The following TDRP variants were observed in gnomAD, a reference collection of about 807,000 sequenced individuals.
TDRP encodes testis development-related protein.
A neutral mutation model predicts 10.5 loss-of-function variants in TDRP; 12 were observed. The observed-to-expected ratio is 1.15, with a 90% confidence interval of 0.73 to 1.86. The LOEUF is 1.86. Ranked by LOEUF, TDRP falls within the 40% of genes most tolerant of loss-of-function variation. The probability of loss-of-function intolerance (pLI) is 0.00; values close to 1 mark genes in which losing one functional copy is unlikely to be tolerated. For synonymous variants in TDRP, 139 were observed against 95.4 expected (o/e 1.46, Z -2.67); for missense variants, 353 against 229.2 (o/e 1.54, Z -3.49).
intron 1 of TDRP, among the ~76,000 whole-genome samples, chr8:540,041 A>C (rs1313207853): frequency 2.6e-5 from 4 of 152,228 alleles, no homozygotes; most frequent in Non-Finnish European, 5.9e-5. Flanking sequence ...ATCCCTATGC[A>C]ATCCAGTTTA....
intron 1 of TDRP, among the ~76,000 whole-genome samples, chr8:502,055 G>A (rs565628427): frequency 8.0e-4 from 122 of 152,190 alleles, no homozygotes; most frequent in Admixed American, 1.6e-3. Flanking sequence ...CCTCTTCTTG[G>A]CATCGCCATT....
chr8:522,257 C>G (rs375300053), intron 1 of TDRP, among the ~76,000 whole-genome samples: 1 of 152,166 alleles, frequency 6.6e-6, no homozygotes. Flanking sequence ...GTTATATCTT[C>G]CTGGTGAACT....
chr8:544,758 G>C lies in TDRP; in HGVS notation c.-1C>G. 1 of 1,236,434 alleles carries C rather than the reference G, an allele frequency of 8.1e-7. No homozygotes were observed. The highest frequency in any genetic ancestry group is 1.0e-6 in the Non-Finnish European group (1 of 988,292). 76.6% of individuals were successfully genotyped at this position (1,236,434 alleles called of 1,614,324 possible). ...CTCGGCCCCGGCCCAGCTTCCACAT[G>C]GTCAGGCGGGCTCCGGCGTCCCTCC... On this transcript the variant is annotated 5_prime_UTR_variant, in exon 1 of 3. Coordinates refer to ENST00000324079, the MANE Select transcript of TDRP (RefSeq NM_001384899.1).
Position 507,611 on chromosome 8 carries a change from G to A in TDRP, c.109-13014C>T, listed in dbSNP as rs553576582. On this transcript the variant is annotated intron_variant, in intron 1 of 2. Transcript: ENST00000324079. ...AAGAGGGGCCACACCCAACAGTGCC[G>A]TGCCCCACCAGAAGCCACATCAGGA... is the stretch of plus-strand genomic sequence containing the variant. 3.3e-4 allele frequency among the ~76,000 whole-genome samples: 51 copies of A among 152,258 alleles called. 1 individual carries two copies. In the South Asian group the frequency reaches 8.1e-3, roughly 24 times the overall value.
Position 504,402 on chromosome 8 carries a change from G to A in TDRP, c.109-9805C>T, listed in dbSNP as rs573308883. Reference sequence around the variant, plus strand: ...CAGCAATAAAGCATTCACTTCAAGAGTCCTGAAGTCAGTGGGGGGAGGCAG... The same window carrying A: ...CAGCAATAAAGCATTCACTTCAAGAATCCTGAAGTCAGTGGGGGGAGGCAG... On this transcript the variant is annotated intron_variant, in intron 1 of 2. Transcript: ENST00000324079. 2.6e-5 allele frequency among the ~76,000 whole-genome samples: 4 copies of A among 152,186 alleles called. No homozygotes were observed. In the South Asian group the frequency reaches 8.3e-4, roughly 32 times the overall value.
chr8:515,288 A>T (rs1801728089), intron 1 of TDRP, among the ~76,000 whole-genome samples: 1 of 152,234 alleles, frequency 6.6e-6, no homozygotes, highest in African/African-American at 2.4e-5. Flanking sequence ...ACAGAAAAAA[A>T]TGTAAAATTA....
intron 1 of TDRP, among the ~76,000 whole-genome samples, chr8:538,914 G>A (rs1214689335): frequency 6.6e-6 from 1 of 152,182 alleles, no homozygotes; most frequent in African/African-American, 2.4e-5. Context: ...CGTAAACCAG[G>A]ACCGCCTCTT....
chr8:534,831 A>T (rs142376302), intron 1 of TDRP, among the ~76,000 whole-genome samples: 55 of 152,308 alleles, frequency 3.6e-4, no homozygotes, highest in African/African-American at 1.3e-3. Flanking sequence ...ATGAACTGTA[A>T]CTACTTTTTG....
chr8:498,759 C>T (rs545924643), intron 1 of TDRP, among the ~76,000 whole-genome samples: 1 of 152,268 alleles, frequency 6.6e-6, no homozygotes, highest in South Asian at 2.1e-4. Context: ...ACTATAATCC[C>T]CACATGTCAG....
At chr8:501,373 G>A (rs1448068218) in intron 1 of TDRP, among the ~76,000 whole-genome samples, 4 of 151,694 alleles carry the variant, frequency 2.6e-5, no homozygotes, top group Non-Finnish European at 5.9e-5. Flanking sequence ...TTGAGATGGA[G>A]TCTTTCTCTG....
intron 1 of TDRP, among the ~76,000 whole-genome samples, chr8:520,399 G>C (rs929379092): frequency 6.6e-6 from 1 of 152,176 alleles, no homozygotes; most frequent in Non-Finnish European, 1.5e-5. Flanking sequence ...AAGTGGTGCT[G>C]TAATGAACAT....
At chr8:495,775 A>G (rs554445022) in intron 1 of TDRP, among the ~76,000 whole-genome samples, 1 of 152,376 alleles carries the variant, frequency 6.6e-6, no homozygotes, top group Admixed American at 6.5e-5. Context: ...ATACAATTCA[A>G]TCAACCCTTT....
intron 1 of TDRP, among the ~76,000 whole-genome samples, chr8:519,742 G>A (rs545776012): frequency 8.5e-5 from 13 of 152,148 alleles, no homozygotes; most frequent in Non-Finnish European, 1.9e-4. Context: ...TGGAGGGAAC[G>A]TACTTTTTAA....
At chr8:512,782 C>T (rs1163374028) in intron 1 of TDRP, among the ~76,000 whole-genome samples, 1 of 152,136 alleles carries the variant, frequency 6.6e-6, no homozygotes, top group East Asian at 1.9e-4. Flanking sequence ...TGAGAACAGC[C>T]TGGCCATGGC....
At chr8:495,848 G>A (rs1432877442) in intron 1 of TDRP, among the ~76,000 whole-genome samples, 2 of 152,192 alleles carry the variant, frequency 1.3e-5, no homozygotes, top group Non-Finnish European at 2.9e-5. Flanking sequence ...CACAGCCTCA[G>A]GAAGGGGCAA....
At chr8:493,295 G>A (rs1020006751) in intron 2 of TDRP, among the ~76,000 whole-genome samples, 9 of 152,224 alleles carry the variant, frequency 5.9e-5, no homozygotes, top group African/African-American at 2.2e-4. Flanking sequence ...CTGTCCGCGA[G>A]CATCACCTGG....
intron 1 of TDRP, among the ~76,000 whole-genome samples, chr8:537,138 TA>T (rs1802366907): frequency 6.6e-6 from 1 of 152,198 alleles, no homozygotes; most frequent in Admixed American, 6.5e-5. Context: ...CCACACCAGG[TA>T]CACTCCTCTC....
intron 1 of TDRP, among the ~76,000 whole-genome samples, chr8:510,101 G>A (rs962516468): frequency 2.6e-5 from 4 of 152,314 alleles, no homozygotes; most frequent in Admixed American, 6.5e-5. Flanking sequence ...CACCCAGCCC[G>A]CCAGTGTGTT....
At chr8:515,476 C>G (rs1456047512) in intron 1 of TDRP, among the ~76,000 whole-genome samples, 1 of 152,120 alleles carries the variant, frequency 6.6e-6, no homozygotes, top group Admixed American at 6.5e-5. Flanking sequence ...TTGAGCATCC[C>G]TAAACTGAAA....
Sources: gnomAD v4.1 joint callset for allele counts (sites outside exome capture counted in the v4.1 genomes callset) on GRCh38, gnomAD v4.1.1 for gene constraint, MANE v1.5 for transcripts, NCBI Gene and HGNC (gene_info 2026-07-23, HGNC 2026-07-21) for gene names.